IGF1: variants seen among roughly 807,000 people sequenced by gnomAD.
IGF1 encodes insulin like growth factor 1.
A neutral mutation model predicts 13.8 loss-of-function variants in IGF1; 4 were observed. That is an observed-to-expected ratio of 0.29 (90% confidence interval 0.14 to 0.66). The LOEUF (loss-of-function observed/expected upper bound fraction) is 0.66. IGF1 is among the 30% of genes least tolerant of loss of function. IGF1 has a pLI of 0.78. For missense variants in IGF1, 124 were observed against 188.5 expected, an observed-to-expected ratio of 0.66 and a Z score of 2.00; for synonymous variants, 76 against 72.6, an observed-to-expected ratio of 1.05 and a Z score of -0.23.
chr12:102,452,264 A>C, intron 2 of IGF1, among the ~76,000 whole-genome samples: 1 of 146,608 alleles, frequency 6.8e-6, no homozygotes, highest in South Asian at 2.2e-4. Context: ...TCCGTCTCAA[A>C]AAAAAAAAAA....
At position 102,396,295 on chromosome 12, in the gene IGF1, A is replaced by G. The variant is rs1398521693; in HGVS notation, c.*6212T>C. On this transcript the variant is annotated 3_prime_UTR_variant, in exon 4 of 4. Coordinates refer to ENST00000337514, the MANE Select transcript of IGF1 (RefSeq NM_000618.5). ...AACTCTTTTACCAAAAAGATCTGAC[A>G]TGGTATTTGGGGCCTTTATGTAAAC... The G allele has an allele frequency of 2.6e-5, 4 of 152,202 alleles. No homozygotes were observed. Among genetic ancestry groups the G allele is most frequent in the Non-Finnish European group, 5.9e-5 (4 of 68,028 alleles). The allele number at this position is 152,202 out of a possible 1,614,324, so 9.4% of individuals were successfully genotyped here.
At chr12:102,420,067 G>T (rs986845477) in intron 2 of IGF1, among the ~76,000 whole-genome samples, 3 of 152,176 alleles carry the variant, frequency 2.0e-5, no homozygotes, top group Admixed American at 2.0e-4. Flanking sequence ...TGTTGGCAAC[G>T]CTGCATTGCT....
chr12:102,414,345 G>A (rs761359744), intron 3 of IGF1, among the ~76,000 whole-genome samples: 2 of 151,182 alleles, frequency 1.3e-5, no homozygotes, highest in African/African-American at 2.5e-5. Context: ...CACAATGCAA[G>A]TAAGAGCCAA....
Position 102,475,812 on chromosome 12 carries a change from C to G in IGF1, c.64-13G>C. On this transcript the variant is annotated splice_polypyrimidine_tract_variant and intron_variant, in intron 1 of 3. Transcript: ENST00000337514. Reference sequence around the variant, plus strand: ...TGTGCATCTTCACCTGCCCAAGAAACAGAGGGAGGGTCAGGTTTCCTCCTT... The same window carrying G: ...TGTGCATCTTCACCTGCCCAAGAAAGAGAGGGAGGGTCAGGTTTCCTCCTT... The G allele has an allele frequency of 6.2e-7, 1 of 1,608,836 alleles. No homozygotes were observed. The highest frequency in any genetic ancestry group is 8.5e-7 in the Non-Finnish European group (1 of 1,177,324).
chr12:102,447,123 C>T (rs1320835920), intron 2 of IGF1, among the ~76,000 whole-genome samples: 1 of 152,100 alleles, frequency 6.6e-6, no homozygotes, highest in African/African-American at 2.4e-5. Context: ...TTTTCATTTG[C>T]TAAGGAGTGT....
intron 2 of IGF1, among the ~76,000 whole-genome samples, chr12:102,441,952 C>CTTCTTCTTCTTTTCT (rs1565984911): frequency 7.1e-6 from 1 of 140,950 alleles, no homozygotes; most frequent in Non-Finnish European, 1.6e-5. Flanking sequence ...TCTTCTTCTT[C>CTTCTTCTTCTTTTCT]TTCTTTTTTT....
chr12:102,455,452 T>C (rs989166679), intron 2 of IGF1, among the ~76,000 whole-genome samples: 1 of 152,252 alleles, frequency 6.6e-6, no homozygotes. Flanking sequence ...CTCTGATTCA[T>C]GTTTTTCCAG....
intron 3 of IGF1, among the ~76,000 whole-genome samples, chr12:102,413,345 C>T (rs1874803542): frequency 6.6e-6 from 1 of 152,176 alleles, no homozygotes; most frequent in Non-Finnish European, 1.5e-5. Flanking sequence ...TAGATCTCAT[C>T]TTGCCCAGTG....
intron 2 of IGF1, among the ~76,000 whole-genome samples, chr12:102,452,628 G>A (rs1183224502): frequency 6.6e-6 from 1 of 152,136 alleles, no homozygotes; most frequent in African/African-American, 2.4e-5. Flanking sequence ...AGAAGGCATG[G>A]TGCTCCTCTT....
At chr12:102,451,907 A>T (rs1300276817) in intron 2 of IGF1, among the ~76,000 whole-genome samples, 1 of 151,954 alleles carries the variant, frequency 6.6e-6, no homozygotes, top group African/African-American at 2.4e-5. Flanking sequence ...TTCTCATGCG[A>T]TCTAATGGTT....
chr12:102,411,691 T>C (rs1403744269), intron 3 of IGF1, among the ~76,000 whole-genome samples: 1 of 152,218 alleles, frequency 6.6e-6, no homozygotes, highest in Non-Finnish European at 1.5e-5. Context: ...CATATGGGCA[T>C]TTTGACCATG....
intron 3 of IGF1, among the ~76,000 whole-genome samples, chr12:102,412,986 C>T (rs1212758774): frequency 6.6e-6 from 1 of 152,190 alleles, no homozygotes; most frequent in Non-Finnish European, 1.5e-5. Flanking sequence ...TTAGGGATGA[C>T]AGAAAAGCTG....
chr12:102,415,841 T>C (rs946676090), intron 3 of IGF1: 21 of 152,266 alleles, frequency 1.4e-4, no homozygotes, highest in African/African-American at 4.8e-4. Flanking sequence ...AAAGCATGGA[T>C]GTCTTAGCTG....
At chr12:102,423,986 A>G (rs189600026) in intron 2 of IGF1, among the ~76,000 whole-genome samples, 4 of 152,314 alleles carry the variant, frequency 2.6e-5, no homozygotes, top group Admixed American at 2.6e-4. Context: ...GGAACAATGC[A>G]TTCAGCTTTA....
rs35209973 is a variant in IGF1 at position 102,470,795 on chromosome 12, C to G, written c.220+4848G>C. ...GTCAAATTCACCAATTATACACTCT[C>G]TTCTTTAATTGAAAAGGTAATAGGC... On this transcript the variant is annotated intron_variant, in intron 2 of 3. Transcript: ENST00000337514. Among the ~76,000 whole-genome samples the G allele has an allele frequency of 2.9e-3, 445 of 152,270 alleles. 4 individuals carry two copies. The highest frequency in any genetic ancestry group is 0.012 in the South Asian group (60 of 4,820).
chr12:102,438,265 G>A (rs1420867993), intron 2 of IGF1, among the ~76,000 whole-genome samples: 2 of 152,104 alleles, frequency 1.3e-5, no homozygotes, highest in Non-Finnish European at 2.9e-5. Flanking sequence ...CAGAGACATC[G>A]ACGACTGGCC....
rs3032454 is a variant in IGF1 at position 102,465,936 on chromosome 12, CAAATAAATAAATAAAT to C, written c.220+9691_220+9706del. ...TGGGCAACAGAGCAAGACTCTGTTT[CAAATAAATAAATAAAT>C]AAATAAATAAATAAATAAATAAATA... On this transcript the variant is annotated intron_variant, in intron 2 of 3. Coordinates refer to ENST00000337514, the MANE Select transcript of IGF1 (RefSeq NM_000618.5). 2.1e-3 allele frequency among the ~76,000 whole-genome samples: 291 copies of C among 139,466 alleles called. 1 individual carries two copies. The highest frequency in any genetic ancestry group is 0.01 in the East Asian group (48 of 4,674). 91.5% of individuals were successfully genotyped at this position (139,466 alleles called of 152,430 possible). A position where few individuals can be genotyped will look rare whatever the true frequency, so the allele number is the denominator to read the frequency against.
In IGF1 at chr12:102,480,306, A is replaced by C; in HGVS notation, c.63+13T>G. 1 of 1,610,760 alleles carries C rather than the reference A, an allele frequency of 6.2e-7. No individual in the cohort carries two copies. The highest frequency in any genetic ancestry group is 8.5e-7 in the Non-Finnish European group (1 of 1,177,310). The stretch of plus-strand genomic sequence containing the variant: ...GAATTCCCCAATGACTTCAAAGAGT[A>C]AGAAATATTTACCTTCAAGAAATCA... On this transcript the variant is annotated intron_variant, in intron 1 of 3. Coordinates refer to ENST00000337514, the MANE Select transcript of IGF1 (RefSeq NM_000618.5).
chr12:102,455,053 C>A (rs527589607), intron 2 of IGF1, among the ~76,000 whole-genome samples: 1 of 152,330 alleles, frequency 6.6e-6, no homozygotes, highest in East Asian at 1.9e-4. Context: ...ATGGCCCCAG[C>A]CACCCACCGT....
Sources: allele counts gnomAD v4.1 joint callset (sites outside exome capture counted in the v4.1 genomes callset), GRCh38; gene constraint gnomAD v4.1.1; transcripts MANE v1.5; gene names NCBI Gene and HGNC (gene_info 2026-07-23, HGNC 2026-07-21).